KITLG: variants seen among roughly 807,000 people sequenced by gnomAD.
The protein encoded by KITLG is KIT ligand, also known as c-Kit ligand.
A neutral mutation model predicts 34.1 loss-of-function variants in KITLG; 13 were observed. The ratio of observed to expected loss-of-function variants is 0.38; its 90% confidence interval spans 0.25 to 0.61. The LOEUF is 0.61. Ranked by LOEUF, KITLG falls within the 20% of genes least tolerant of loss-of-function variation. KITLG has a pLI of 0.60. For synonymous variants in KITLG, 110 were observed against 104.0 expected (o/e 1.06, Z -0.35); for missense variants, 292 against 318.9 (o/e 0.92, Z 0.64).
chr12:88,547,047 A>G (rs1870744440), intron 1 of KITLG, among the ~76,000 whole-genome samples: 1 of 152,216 alleles, frequency 6.6e-6, no homozygotes, highest in Admixed American at 6.5e-5. Flanking sequence ...TCCAGGAAAA[A>G]TAAACAGCAT....
rs1241989936 is a variant in KITLG at position 88,495,832 on chromosome 12, G to GGTT, written c.*1386_*1387insAAC. 1 of 152,048 alleles carries GGTT rather than the reference G, an allele frequency of 6.6e-6. No homozygotes were observed. The highest frequency in any genetic ancestry group is 2.4e-5 in the African/African-American group (1 of 41,436). The allele number at this position is 152,048 out of a possible 1,614,324, so 9.4% of individuals were successfully genotyped here. The stretch of plus-strand genomic sequence containing the variant: ...TGTGTACATTCAAGACATGTTAAAA[G>GGTT]AACTTTCATCAAAATAAACCATAAG... On this transcript the variant is annotated 3_prime_UTR_variant, in exon 10 of 10. Transcript: ENST00000644744.
intron 4 of KITLG, among the ~76,000 whole-genome samples, chr12:88,517,533 A>G (rs1016252693): frequency 6.6e-6 from 1 of 152,106 alleles, no homozygotes; most frequent in African/African-American, 2.4e-5. Flanking sequence ...TCTTCCCAAC[A>G]TCACCATTGA....
intron 6 of KITLG, among the ~76,000 whole-genome samples, chr12:88,512,311 G>T (rs924215289): frequency 1.3e-5 from 2 of 151,894 alleles, no homozygotes; most frequent in South Asian, 2.1e-4. Flanking sequence ...AGAACAAAAG[G>T]TCAATGAACT....
intron 9 of KITLG, among the ~76,000 whole-genome samples, chr12:88,498,125 C>T (rs2120778923): frequency 6.6e-6 from 1 of 152,226 alleles, no homozygotes; most frequent in African/African-American, 2.4e-5. Flanking sequence ...TAGATGGTAT[C>T]ATCCCATCTT....
chr12:88,536,426 G>A (rs984994224), intron 2 of KITLG, among the ~76,000 whole-genome samples: 4 of 152,128 alleles, frequency 2.6e-5, no homozygotes, highest in Admixed American at 6.6e-5. Context: ...AGATAGTGTA[G>A]CGATTCCTCA....
rs1230953413 is a variant in KITLG, at chr12:88,506,043, C to T, written c.782+268G>A. Reference sequence around the variant, plus strand: ...CCAGGAGTCTGAGAAGATTCTGCTGCCTTACTTAAATAAGAAAGCAGAGGT... The same window carrying T: ...CCAGGAGTCTGAGAAGATTCTGCTGTCTTACTTAAATAAGAAAGCAGAGGT... On this transcript the variant is annotated intron_variant, in intron 8 of 9. Transcript: ENST00000644744. Among the ~76,000 whole-genome samples, 3 of 152,146 alleles carry T rather than the reference C, an allele frequency of 2.0e-5. No individual in the cohort carries two copies. The East Asian group carries it at 5.8e-4, about 29-fold the overall frequency.
At chr12:88,515,487 G>A in intron 6 of KITLG, 47 bp downstream of exon 6, 1 of 1,150,678 alleles carries the variant, frequency 8.7e-7, no homozygotes, top group Non-Finnish European at 1.3e-6. Context: ...ACTCCTATAG[G>A]TGCTAATTGG....
chr12:88,506,126 AG>A (rs1312561991), intron 8 of KITLG, among the ~76,000 whole-genome samples, 184 bp downstream of exon 8: 1 of 152,152 alleles, frequency 6.6e-6, no homozygotes, highest in Non-Finnish European at 1.5e-5. Flanking sequence ...GGTATTCTGT[AG>A]GTAAATGGAG....
chr12:88,496,709 A>G lies in KITLG; in HGVS notation c.*510T>C, dbSNP rs545759289. The G allele has an allele frequency of 1.6e-4, 25 of 153,570 alleles. 1 individual carries two copies. The South Asian group carries it at 4.5e-3, about 28-fold the overall frequency. 9.5% of individuals were successfully genotyped at this position (153,570 alleles called of 1,614,324 possible). On this transcript the variant is annotated 3_prime_UTR_variant, in exon 10 of 10. Coordinates refer to ENST00000644744, the MANE Select transcript of KITLG (RefSeq NM_000899.5). Reference sequence around the variant, plus strand: ...GTTCCCACTGCTTTCTACACTGTACAGTGGCTGACACTACTGAGTTTTAAA... The same window carrying G: ...GTTCCCACTGCTTTCTACACTGTACGGTGGCTGACACTACTGAGTTTTAAA...
chr12:88,571,537 A>G (rs1246370331), intron 1 of KITLG, among the ~76,000 whole-genome samples: 1 of 152,234 alleles, frequency 6.6e-6, no homozygotes, highest in East Asian at 1.9e-4. Flanking sequence ...GTCATGCACC[A>G]AACACATTTG....
intron 3 of KITLG, among the ~76,000 whole-genome samples, chr12:88,521,470 C>A (rs1359810618): frequency 1.3e-5 from 2 of 152,016 alleles, no homozygotes; most frequent in Non-Finnish European, 2.9e-5. Context: ...TACAAACGTA[C>A]TTTTTGTTTG....
intron 1 of KITLG, among the ~76,000 whole-genome samples, chr12:88,556,670 G>A (rs887312143): frequency 6.6e-6 from 1 of 152,208 alleles, no homozygotes; most frequent in Non-Finnish European, 1.5e-5. Context: ...TGTAGGAAGA[G>A]AAGAGGCAGC....
intron 1 of KITLG, among the ~76,000 whole-genome samples, chr12:88,546,370 C>A (rs776406145): frequency 3.3e-5 from 5 of 152,156 alleles, no homozygotes; most frequent in Non-Finnish European, 5.9e-5. Flanking sequence ...GAGAATTCCA[C>A]TGAATTTGTG....
At position 88,545,763 on chromosome 12, in the gene KITLG, C is replaced by T. The variant is rs760906540; in HGVS notation, c.118G>A (p.Val40Ile). 1.5e-5 allele frequency: 23 copies of T among 1,583,290 alleles called. No individual in the cohort carries two copies. The highest frequency in any genetic ancestry group is 1.8e-5 in the Non-Finnish European group (21 of 1,152,578). Residue 40 changes from valine (V) to isoleucine (I), a missense_variant, in exon 2 of 10, where the codon GTC becomes ATC. Transcript: ENST00000644744. ...RNRVTNNVKDVTKLVANLPKD... is the reference protein window; with the variant it reads ...RNRVTNNVKDITKLVANLPKD... Reference sequence around the variant, plus strand: ...CATTCCTTACTTACCAATTTAGTGACGTCTTTTACATTATTAGTCACACGA... The same window carrying T: ...CATTCCTTACTTACCAATTTAGTGATGTCTTTTACATTATTAGTCACACGA...
At chr12:88,553,485 T>A (rs575149970) in intron 1 of KITLG, among the ~76,000 whole-genome samples, 28 of 152,306 alleles carry the variant, frequency 1.8e-4, no homozygotes, top group Non-Finnish European at 3.1e-4. Context: ...ATGACATTTT[T>A]CTTTGGCTAC....
chr12:88,568,829 C>G (rs1418211436), intron 1 of KITLG, among the ~76,000 whole-genome samples: 1 of 151,202 alleles, frequency 6.6e-6, no homozygotes, highest in Non-Finnish European at 1.5e-5. Flanking sequence ...AGGGAAAGAA[C>G]AAGGAAAGAA....
intron 6 of KITLG, among the ~76,000 whole-genome samples, chr12:88,511,370 T>C (rs1275604388): frequency 6.6e-6 from 1 of 152,184 alleles, no homozygotes; most frequent in Non-Finnish European, 1.5e-5. Flanking sequence ...GAGGCTCATG[T>C]TTGCCCTGGT....
chr12:88,505,792 C>CT (rs1869034708), intron 8 of KITLG, among the ~76,000 whole-genome samples: 1 of 152,052 alleles, frequency 6.6e-6, no homozygotes, highest in African/African-American at 2.4e-5. Flanking sequence ...AGAAGTCACA[C>CT]TATGAACCAG....
chr12:88,532,005 A>T (rs1870110636), intron 3 of KITLG, among the ~76,000 whole-genome samples: 1 of 152,080 alleles, frequency 6.6e-6, no homozygotes, highest in South Asian at 2.1e-4. Context: ...CCTGGAACAC[A>T]CAGGAGTTCC....
Sources: allele counts gnomAD v4.1 joint callset (sites outside exome capture counted in the v4.1 genomes callset), GRCh38; gene constraint gnomAD v4.1.1; transcripts MANE v1.5; gene names NCBI Gene and HGNC (gene_info 2026-07-23, HGNC 2026-07-21).